Variants in FHL5 observed in about 807,000 individuals in gnomAD.
The protein encoded by FHL5 is four and a half LIM domains protein 5.
Under a neutral mutation model 32.0 loss-of-function variants are expected in FHL5, and 33 were observed. That is an observed-to-expected ratio of 1.03 (90% CI 0.78 to 1.38). The LOEUF (loss-of-function observed/expected upper bound fraction) is 1.38. FHL5 is among the 40% of genes most tolerant of loss of function. FHL5 has a pLI of 0.00. For synonymous variants in FHL5, 114 were observed against 113.6 expected (o/e 1.00, Z -0.02); for missense variants, 336 against 343.9 (o/e 0.98, Z 0.18).
intron 1 of FHL5, among the ~76,000 whole-genome samples, chr6:96,571,406 C>T (rs962649656): frequency 4.6e-5 from 7 of 152,162 alleles, no homozygotes; most frequent in African/African-American, 1.4e-4. Context: ...AATAAGGAGA[C>T]TTAGCTGAGC....
intron 5 of FHL5, among the ~76,000 whole-genome samples, chr6:96,612,043 G>C (rs1771420455): frequency 6.6e-6 from 1 of 152,204 alleles, no homozygotes; most frequent in African/African-American, 2.4e-5. Context: ...GGAACTCGTG[G>C]CTGTCCAATT....
At chr6:96,600,899 C>T (rs1363597234) in intron 1 of FHL5, among the ~76,000 whole-genome samples, 3 of 152,170 alleles carry the variant, frequency 2.0e-5, no homozygotes, top group African/African-American at 7.2e-5. Flanking sequence ...GAAATGTTGA[C>T]CTGAACCAAA....
At chr6:96,600,076 A>G (rs75258065) in intron 1 of FHL5, among the ~76,000 whole-genome samples, 80 of 152,342 alleles carry the variant, frequency 5.3e-4, no homozygotes, top group African/African-American at 1.9e-3. Flanking sequence ...TATTAATGTT[A>G]GTGACAAAGA....
intron 1 of FHL5, among the ~76,000 whole-genome samples, chr6:96,564,972 T>C (rs1770324786): frequency 6.6e-6 from 1 of 152,088 alleles, no homozygotes; most frequent in Non-Finnish European, 1.5e-5. Flanking sequence ...ATAATCAGCT[T>C]GAGGCCAGGC....
intron 1 of FHL5, among the ~76,000 whole-genome samples, chr6:96,597,904 C>T (rs1771068959): frequency 6.6e-6 from 1 of 152,052 alleles, no homozygotes; most frequent in African/African-American, 2.4e-5. Flanking sequence ...ATCTTGGCCT[C>T]CTAAGTTTTG....
chr6:96,605,303 T>C (rs987157852), intron 3 of FHL5, among the ~76,000 whole-genome samples: 1 of 152,218 alleles, frequency 6.6e-6, no homozygotes, highest in Non-Finnish European at 1.5e-5. Context: ...TTTTGTAGCT[T>C]GACACAAACT....
rs1296330869 is a variant in FHL5, at chr6:96,610,597, T to C, written c.530T>C (p.Phe177Ser). 6.2e-7 allele frequency: 1 copy of C among 1,613,978 alleles called. No homozygotes were observed. The highest frequency in any genetic ancestry group is 8.5e-7 in the Non-Finnish European group (1 of 1,179,872). The change falls in exon 5 of 6, where the codon TTT (phenylalanine) becomes TCT (serine). Residue 177 changes from phenylalanine (F) to serine (S), a missense_variant. Phe to Ser is a radical substitution (Grantham distance 155). Transcript: ENST00000450218. ...GTGATAACTTCAGGTGGGATAACAT[T>C]TTGTGACCAGCTATGGCATAAAGAG... ...KKVITSGGIT[F>S]CDQLWHKECF...
At chr6:96,594,679 T>G (rs1361486395) in intron 1 of FHL5, among the ~76,000 whole-genome samples, 1 of 152,014 alleles carries the variant, frequency 6.6e-6, no homozygotes, top group East Asian at 1.9e-4. Context: ...GATTTGGGTT[T>G]AAAATGTATC....
At chr6:96,573,527 ATTT>A (rs553599471) in intron 1 of FHL5, among the ~76,000 whole-genome samples, 20 of 112,406 alleles carry the variant, frequency 1.8e-4, no homozygotes, top group Non-Finnish European at 2.3e-4. Context: ...AAATATTCTA[ATTT>A]TTTTTTTTTT....
intron 1 of FHL5, among the ~76,000 whole-genome samples, chr6:96,591,611 G>A (rs1770918978): frequency 6.6e-6 from 1 of 152,108 alleles, no homozygotes; most frequent in Non-Finnish European, 1.5e-5. Context: ...TCAGCAATTT[G>A]AATATATCTC....
chr6:96,608,803 A>G (rs552531074), intron 4 of FHL5, among the ~76,000 whole-genome samples: 2 of 152,290 alleles, frequency 1.3e-5, no homozygotes, highest in East Asian at 3.9e-4. Flanking sequence ...TTACCTTCCT[A>G]CCTCTTCAAA....
intron 5 of FHL5, among the ~76,000 whole-genome samples, chr6:96,614,959 C>T (rs3798297): frequency 0.37 from 56,823 of 151,996 alleles, 11,029 homozygotes; most frequent in African/African-American, 0.48. Context: ...AAAGCTGAAG[C>T]TGGCTCTGAG....
At chr6:96,582,199 C>T (rs1247830227) in intron 1 of FHL5, among the ~76,000 whole-genome samples, 2 of 151,978 alleles carry the variant, frequency 1.3e-5, no homozygotes, top group East Asian at 3.9e-4. Context: ...GAAATGATTG[C>T]GGTTTCTTTG....
chr6:96,601,257 C>T (rs1198531944), intron 1 of FHL5, among the ~76,000 whole-genome samples: 1 of 152,094 alleles, frequency 6.6e-6, no homozygotes, highest in Non-Finnish European at 1.5e-5. Flanking sequence ...TGGCTTGAAC[C>T]CGGGAAGTAG....
chr6:96,571,574 T>C (rs944891179), intron 1 of FHL5, among the ~76,000 whole-genome samples: 1 of 152,138 alleles, frequency 6.6e-6, no homozygotes, highest in East Asian at 1.9e-4. Context: ...GCTTCACCCC[T>C]TGTGGCAGGG....
At chr6:96,591,942 G>A (rs12525695) in intron 1 of FHL5, among the ~76,000 whole-genome samples, 23,784 of 152,054 alleles carry the variant, frequency 0.16, 2,040 homozygotes, top group Middle Eastern at 0.26. Context: ...GGGAGTGTAC[G>A]AATAGGGTGT....
intron 1 of FHL5, among the ~76,000 whole-genome samples, chr6:96,597,401 A>G (rs1771058649): frequency 1.3e-5 from 2 of 152,096 alleles, no homozygotes; most frequent in Non-Finnish European, 2.9e-5. Flanking sequence ...AAGGCATGAC[A>G]TTTGTTGATT....
intron 1 of FHL5, among the ~76,000 whole-genome samples, chr6:96,585,134 A>G (rs1770772528): frequency 6.6e-6 from 1 of 152,194 alleles, no homozygotes; most frequent in African/African-American, 2.4e-5. Flanking sequence ...AGTTAATTGT[A>G]GATTAAACCT....
rs768616693 is a variant in FHL5 at position 96,615,838 on chromosome 6, C to T, written c.*66C>T. 95 of 1,334,850 alleles carry T rather than the reference C, an allele frequency of 7.1e-5. No individual in the cohort carries two copies. The highest frequency in any genetic ancestry group is 8.5e-5 in the Non-Finnish European group (84 of 987,056). 82.7% of individuals were successfully genotyped at this position (1,334,850 alleles called of 1,614,324 possible). Reference sequence around the variant, plus strand: ...TGTCACTAAAGCCAGAACTCAGTTGCGGTCTTATTTTTGACTTAAGTTTTA... The same window carrying T: ...TGTCACTAAAGCCAGAACTCAGTTGTGGTCTTATTTTTGACTTAAGTTTTA... On this transcript the variant is annotated 3_prime_UTR_variant, in exon 6 of 6. Transcript: ENST00000450218.
Sources: gnomAD v4.1 joint callset for allele counts (sites outside exome capture counted in the v4.1 genomes callset) on GRCh38, gnomAD v4.1.1 for gene constraint, MANE v1.5 for transcripts, NCBI Gene and HGNC (gene_info 2026-07-23, HGNC 2026-07-21) for gene names.